The following PEMT variants were observed in gnomAD, a reference collection of about 807,000 sequenced individuals.
The protein encoded by PEMT is phosphatidylethanolamine N-methyltransferase.
In PEMT, 23 loss-of-function variants were observed where a neutral mutation model predicts 27.4. The observed-to-expected ratio is 0.84, with a 90% CI of 0.60 to 1.19. PEMT has a LOEUF of 1.19. Among genes scored for constraint, PEMT ranks in the 50% most tolerant of loss-of-function variants. The pLI, the probability that PEMT is intolerant of heterozygous loss-of-function variation, is 0.00. For missense variants in PEMT, 307 were observed against 310.1 expected, an observed-to-expected ratio of 0.99 and a Z score of 0.07; for synonymous variants, 137 against 139.1, an observed-to-expected ratio of 0.98 and a Z score of 0.11.
chr17:17,510,360 G>A (rs1043150704), intron 4 of PEMT, among the ~76,000 whole-genome samples: 1 of 152,142 alleles, frequency 6.6e-6, no homozygotes, highest in Non-Finnish European at 1.5e-5. Context: ...AAAGGGTGTG[G>A]CTTCGTTCCT....
chr17:17,549,147 A>G (rs1439910899), intron 2 of PEMT, among the ~76,000 whole-genome samples: 1 of 152,230 alleles, frequency 6.6e-6, no homozygotes, highest in East Asian at 1.9e-4. Flanking sequence ...AGCTGGGACT[A>G]CAGGCATGTG....
At chr17:17,528,334 C>T (rs1907843835) in intron 2 of PEMT, among the ~76,000 whole-genome samples, 1 of 152,216 alleles carries the variant, frequency 6.6e-6, no homozygotes, top group Non-Finnish European at 1.5e-5. Flanking sequence ...TCCTGCCTTG[C>T]GGCTCCGGCA....
At chr17:17,586,864 G>A (rs112578846) in intron 1 of PEMT, among the ~76,000 whole-genome samples, 6,446 of 152,068 alleles carry the variant, frequency 0.042, 462 homozygotes, top group African/African-American at 0.15. Flanking sequence ...TTAACCAGGC[G>A]TGGTGGAGGG....
At chr17:17,548,808 G>A (rs1425664589) in intron 2 of PEMT, among the ~76,000 whole-genome samples, 2 of 152,198 alleles carry the variant, frequency 1.3e-5, no homozygotes, top group Non-Finnish European at 2.9e-5. Flanking sequence ...GCCTCCCAAA[G>A]TGCTGGGATT....
chr17:17,542,843 C>T lies in PEMT; in HGVS notation c.205-20448G>A, dbSNP rs529163215. Among the ~76,000 whole-genome samples, 422 of 152,320 alleles carry T rather than the reference C, an allele frequency of 2.8e-3. 4 individuals are homozygous for T. The highest frequency in any genetic ancestry group is 9.5e-3 in the South Asian group (46 of 4,826). On this transcript the variant is annotated intron_variant, in intron 2 of 6. Transcript: ENST00000255389. Reference sequence around the variant, plus strand: ...CCCCTCCTTTGCACCGTTCGGCCACCGTTGCAGGAGCAGGGCCCAAGGCTG... The same window carrying T: ...CCCCTCCTTTGCACCGTTCGGCCACTGTTGCAGGAGCAGGGCCCAAGGCTG...
At chr17:17,531,151 G>A (rs1908064105) in intron 2 of PEMT, among the ~76,000 whole-genome samples, 1 of 151,888 alleles carries the variant, frequency 6.6e-6, no homozygotes, top group Admixed American at 6.6e-5. Context: ...AATAACCAGA[G>A]CTCCTTGGTT....
intron 4 of PEMT, among the ~76,000 whole-genome samples, chr17:17,511,155 T>G (rs749180674): frequency 3.3e-5 from 5 of 152,172 alleles, no homozygotes; most frequent in South Asian, 2.1e-4. Flanking sequence ...CCAGTCCAGC[T>G]GCCCCCCACC....
intron 1 of PEMT, among the ~76,000 whole-genome samples, chr17:17,588,623 A>C (rs1331983278): frequency 6.6e-6 from 1 of 152,170 alleles, no homozygotes; most frequent in Non-Finnish European, 1.5e-5. Flanking sequence ...CGCTCTGGTG[A>C]GCAGGTGATT....
rs1034800962 is a variant in PEMT at position 17,557,822 on chromosome 17, G to A, written c.204+19098C>T. On this transcript the variant is annotated intron_variant, in intron 2 of 6. Transcript: ENST00000255389. ...TTCCCGAGGGAAAATACTGGCTCCT[G>A]GAGCCCATGGCTGCCAAGCTGAGCT... is the stretch of plus-strand genomic sequence containing the variant. Among the ~76,000 whole-genome samples the A allele has an allele frequency of 1.8e-4, 28 of 152,210 alleles. 1 individual carries two copies. The highest frequency in any genetic ancestry group is 2.6e-4 in the Non-Finnish European group (18 of 68,054).
chr17:17,524,148 G>A (rs1014649827), intron 2 of PEMT, among the ~76,000 whole-genome samples: 7 of 152,168 alleles, frequency 4.6e-5, no homozygotes, highest in South Asian at 2.1e-4. Flanking sequence ...TTTGTCCACC[G>A]GTTCAGCAGC....
chr17:17,570,489 A>G, intron 2 of PEMT: 1 of 984,706 alleles, frequency 1.0e-6, no homozygotes, highest in Non-Finnish European at 1.2e-6. Context: ...AGTGCCAGGG[A>G]TGGCCCCAAA....
At chr17:17,578,016 CA>C (rs1332805592) in intron 1 of PEMT, among the ~76,000 whole-genome samples, 13,490 of 60,374 alleles carry the variant, frequency 0.22, 988 homozygotes, top group African/African-American at 0.4. Context: ...GACTCCGTCT[CA>C]AAAAAAAAAA....
chr17:17,541,010 G>A (rs777071263), intron 2 of PEMT, among the ~76,000 whole-genome samples: 14 of 152,202 alleles, frequency 9.2e-5, no homozygotes, highest in Non-Finnish European at 1.5e-4. Context: ...TGCCAGCCCC[G>A]TGCTGAGTCC....
intron 2 of PEMT, among the ~76,000 whole-genome samples, chr17:17,568,300 T>C (rs1910967196): frequency 6.6e-6 from 1 of 152,244 alleles, no homozygotes; most frequent in Non-Finnish European, 1.5e-5. Context: ...CCCACGACCC[T>C]GTCTCCCCAC....
Position 17,509,499 on chromosome 17 carries a change from G to A in PEMT, c.513C>T (p.Pro171=), listed in dbSNP as rs774573034. ...ACATGGGGTTGTCCAGGATGTTGAA[G>A]GGGAACACGGTCACTCTCGCCTCCT... ...ILKEARVTVF[P]FNILDNPMYW... The change falls in exon 5 of 7, where the codon CCC becomes CCT. Residue 171 remains proline (P), a synonymous_variant. Coordinates refer to ENST00000255389, the MANE Select transcript of PEMT (RefSeq NM_148172.3). The A allele has an allele frequency of 7.4e-6, 12 of 1,614,008 alleles. No homozygotes were observed. In the East Asian group the frequency reaches 1.1e-4, roughly 15 times the overall value.
At chr17:17,535,787 G>A (rs554880671) in intron 2 of PEMT, among the ~76,000 whole-genome samples, 49 of 152,328 alleles carry the variant, frequency 3.2e-4, no homozygotes, top group African/African-American at 1.0e-3. Context: ...CATTGGGTAC[G>A]GTGGTGCAGG....
chr17:17,580,532 C>T (rs1054871957), intron 1 of PEMT, among the ~76,000 whole-genome samples: 1 of 152,152 alleles, frequency 6.6e-6, no homozygotes, highest in Admixed American at 6.5e-5. Context: ...TGTCCCTTGA[C>T]AGCCTGGTGG....
At chr17:17,538,957 C>A (rs918614449) in intron 2 of PEMT, among the ~76,000 whole-genome samples, 2 of 152,226 alleles carry the variant, frequency 1.3e-5, no homozygotes, top group Admixed American at 6.5e-5. Context: ...GACATTATCA[C>A]CATCATCAAC....
At chr17:17,586,256 G>GAAATAAAT (rs1912273465) in intron 1 of PEMT, among the ~76,000 whole-genome samples, 1 of 104,332 alleles carries the variant, frequency 9.6e-6, no homozygotes, top group Non-Finnish European at 1.9e-5. Context: ...AAGAAAGAAA[G>GAAATAAAT]AAAGAAAGAA....
Sources: allele counts gnomAD v4.1 joint callset (sites outside exome capture counted in the v4.1 genomes callset), GRCh38; gene constraint gnomAD v4.1.1; transcripts MANE v1.5; gene names NCBI Gene and HGNC (gene_info 2026-07-23, HGNC 2026-07-21).